Variants in CDH8 observed in about 807,000 individuals in gnomAD.
CDH8 encodes the protein cadherin 8, also known as cadherin-8.
In CDH8, 17 loss-of-function variants were observed where a neutral mutation model predicts 68.1. The ratio of observed to expected loss-of-function variants is 0.25; its 90% CI spans 0.17 to 0.37. The LOEUF (loss-of-function observed/expected upper bound fraction) is 0.37. CDH8 is among the 10% of genes least tolerant of loss of function. CDH8 has a pLI of 1.00. For missense variants in CDH8, 763 were observed against 999.3 expected (o/e 0.76, Z 3.19); for synonymous variants, 372 against 365.1 (o/e 1.02, Z -0.21).
intron 2 of CDH8, among the ~76,000 whole-genome samples, chr16:61,943,265 A>G (rs1003507585): frequency 6.6e-6 from 1 of 152,190 alleles, no homozygotes; most frequent in African/African-American, 2.4e-5. Flanking sequence ...GTATTTCAGC[A>G]CCTAGAAGAG....
rs980737944 is a variant in CDH8, at chr16:61,736,416, T to G, written c.1415-9201A>C. 5.3e-5 allele frequency among the ~76,000 whole-genome samples: 8 copies of G among 152,310 alleles called. No homozygotes were observed. The South Asian group carries it at 1.5e-3, about 28-fold the overall frequency. ...AACTATTTCTGGATCAGATTTCTTT[T>G]TTAAAAATTAGCAAAAAGCAGACTG... On this transcript the variant is annotated intron_variant, in intron 8 of 11. Coordinates refer to ENST00000577390, the MANE Select transcript of CDH8 (RefSeq NM_001796.5).
At chr16:61,947,625 T>C (rs1223568679) in intron 2 of CDH8, among the ~76,000 whole-genome samples, 2 of 152,198 alleles carry the variant, frequency 1.3e-5, no homozygotes, top group African/African-American at 4.8e-5. Flanking sequence ...CTAAATGAAA[T>C]AACACATTCC....
At chr16:61,924,149 A>G (rs1964420355) in intron 2 of CDH8, among the ~76,000 whole-genome samples, 1 of 152,074 alleles carries the variant, frequency 6.6e-6, no homozygotes, top group African/African-American at 2.4e-5. Context: ...TTGTCGTTTT[A>G]ATCCTGATAC....
At chr16:61,732,570 A>C (rs891997495) in intron 8 of CDH8, among the ~76,000 whole-genome samples, 12 of 151,838 alleles carry the variant, frequency 7.9e-5, no homozygotes, top group Admixed American at 2.0e-4. Context: ...CCAGATAAGC[A>C]AAATCTTAGA....
At chr16:61,775,766 T>C (rs1960885278) in intron 8 of CDH8, among the ~76,000 whole-genome samples, 2 of 152,022 alleles carry the variant, frequency 1.3e-5, no homozygotes, top group South Asian at 4.1e-4. Flanking sequence ...TTGGCCCATA[T>C]AAGCCATCAG....
intron 7 of CDH8, among the ~76,000 whole-genome samples, chr16:61,794,805 A>T (rs1961459916): frequency 6.6e-6 from 1 of 152,076 alleles, no homozygotes; most frequent in South Asian, 2.1e-4. Context: ...TGATCATTGA[A>T]GATTCAAAGG....
rs547616390 is a variant in CDH8, at chr16:61,989,420, A to C, written c.252+31732T>G. ...AGTTTTGAGAAAATGGTAAACTCTC[A>C]AGACATGGGGAGACATTGAGATTCA... On this transcript the variant is annotated intron_variant, in intron 2 of 11. Coordinates refer to ENST00000577390, the MANE Select transcript of CDH8 (RefSeq NM_001796.5). 2.6e-5 allele frequency among the ~76,000 whole-genome samples: 4 copies of C among 152,284 alleles called. No homozygotes were observed. In the East Asian group the frequency reaches 7.7e-4, roughly 29 times the overall value.
chr16:61,892,840 T>G (rs973732983), intron 3 of CDH8, among the ~76,000 whole-genome samples: 2 of 152,062 alleles, frequency 1.3e-5, no homozygotes, highest in African/African-American at 4.8e-5. Flanking sequence ...GTGAGCTAAT[T>G]TATAACTATA....
chr16:61,826,138 A>C (rs906023302), intron 4 of CDH8, among the ~76,000 whole-genome samples: 1 of 151,860 alleles, frequency 6.6e-6, no homozygotes, highest in Non-Finnish European at 1.5e-5. Context: ...ATTTAACCAC[A>C]GACATGATCA....
rs1177634241 is a variant in CDH8 at position 61,804,739 on chromosome 16, G to A, written c.1277+12740C>T. Among the ~76,000 whole-genome samples the A allele has an allele frequency of 2.7e-5, 4 of 146,394 alleles. No individual in the cohort carries two copies. In the South Asian group the frequency reaches 6.6e-4, roughly 24 times the overall value. On this transcript the variant is annotated intron_variant, in intron 7 of 11. Transcript: ENST00000577390. ...TCTAGAAGAAATGGATACATTCCTC[G>A]ACACATACACTCTCCCAAGACTAAA...
intron 2 of CDH8, among the ~76,000 whole-genome samples, chr16:61,927,017 G>A (rs895895518): frequency 6.6e-6 from 1 of 152,112 alleles, no homozygotes; most frequent in African/African-American, 2.4e-5. Context: ...AGTTAGCCTT[G>A]GAGATCATTC....
intron 9 of CDH8, chr16:61,726,097 A>G (rs1959357164): frequency 6.6e-6 from 1 of 150,864 alleles, no homozygotes; most frequent in South Asian, 2.1e-4. Flanking sequence ...CTTGTCAGGT[A>G]AGCTGCTTAG....
chr16:61,751,764 T>A (rs756617847), intron 8 of CDH8, among the ~76,000 whole-genome samples: 1 of 152,150 alleles, frequency 6.6e-6, no homozygotes, highest in Non-Finnish European at 1.5e-5. Context: ...ATGGTAATTA[T>A]ATTACATTGA....
chr16:61,732,755 G>A (rs112656605), intron 8 of CDH8, among the ~76,000 whole-genome samples: 22 of 151,836 alleles, frequency 1.4e-4, no homozygotes, highest in Non-Finnish European at 2.7e-4. Context: ...ATTACTCCTC[G>A]TTTCTTATTT....
chr16:61,719,434 T>C (rs1406688467), intron 9 of CDH8, among the ~76,000 whole-genome samples: 1 of 151,084 alleles, frequency 6.6e-6, no homozygotes, highest in Non-Finnish European at 1.5e-5. Flanking sequence ...AATGCGTCTA[T>C]ACAAAGTTTG....
intron 3 of CDH8, among the ~76,000 whole-genome samples, chr16:61,884,809 T>C (rs192727634): frequency 6.6e-6 from 1 of 152,260 alleles, no homozygotes; most frequent in East Asian, 1.9e-4. Context: ...TGGTCAACAG[T>C]AGGCTATTGG....
intron 4 of CDH8, among the ~76,000 whole-genome samples, chr16:61,843,102 T>C (rs1354361894): frequency 6.6e-6 from 1 of 152,124 alleles, no homozygotes; most frequent in Admixed American, 6.5e-5. Context: ...CTGGACCCTC[T>C]GGTCCTATAC....
chr16:61,653,009 A>G lies in CDH8; in HGVS notation c.*599T>C. On this transcript the variant is annotated 3_prime_UTR_variant, in exon 12 of 12. Coordinates refer to ENST00000577390, the MANE Select transcript of CDH8 (RefSeq NM_001796.5). ...TGAATATTTTAAGGCTCGACACAAT[A>G]TTTAAAGATGCTATTCAGTCTCTAG... 6.9e-7 allele frequency: 1 copy of G among 1,452,520 alleles called. No homozygotes were observed. The highest frequency in any genetic ancestry group is 1.5e-5 in the South Asian group (1 of 67,246). 90.0% of individuals were successfully genotyped at this position (1,452,520 alleles called of 1,614,324 possible).
chr16:61,669,533 T>A (rs565686073), intron 10 of CDH8, among the ~76,000 whole-genome samples: 1 of 151,994 alleles, frequency 6.6e-6, no homozygotes, highest in Non-Finnish European at 1.5e-5. Context: ...AAGGAACAGA[T>A]AGATAGTTCG....
Sources: gnomAD v4.1 joint callset for allele counts (sites outside exome capture counted in the v4.1 genomes callset) on GRCh38, gnomAD v4.1.1 for gene constraint, MANE v1.5 for transcripts, NCBI Gene and HGNC (gene_info 2026-07-23, HGNC 2026-07-21) for gene names.